The following TAFA5 variants were observed in gnomAD, a reference collection of about 807,000 sequenced individuals.
TAFA5 encodes chemokine-like protein TAFA-5.
A neutral mutation model predicts 15.3 loss-of-function variants in TAFA5; 6 were observed. The ratio of observed to expected loss-of-function variants is 0.39; its 90% CI spans 0.21 to 0.77. TAFA5 has a LOEUF of 0.77. TAFA5 is among the 30% of genes least tolerant of loss of function. The pLI is 0.41. For missense variants in TAFA5, 161 were observed against 193.1 expected (o/e 0.83, Z 0.98); for synonymous variants, 103 against 80.7 (o/e 1.28, Z -1.48).
chr22:48,701,313 G>C (rs933409066), intron 2 of TAFA5, among the ~76,000 whole-genome samples: 13 of 152,188 alleles, frequency 8.5e-5, no homozygotes, highest in African/African-American at 3.1e-4. Flanking sequence ...TGCAGGCGTG[G>C]TGAGAGGAAG....
chr22:48,687,495 C>T (rs985856292), intron 2 of TAFA5, among the ~76,000 whole-genome samples: 3 of 152,112 alleles, frequency 2.0e-5, no homozygotes, highest in African/African-American at 7.2e-5. Context: ...TAAATATTTC[C>T]TGAACCTAAC....
chr22:48,603,017 C>T (rs975628702), intron 1 of TAFA5, among the ~76,000 whole-genome samples: 3 of 152,216 alleles, frequency 2.0e-5, no homozygotes, highest in Admixed American at 6.5e-5. Flanking sequence ...GTGAGGTCCT[C>T]GGGGCCACCC....
chr22:48,701,636 T>C (rs575916907), intron 2 of TAFA5, among the ~76,000 whole-genome samples: 148 of 152,362 alleles, frequency 9.7e-4, no homozygotes, highest in Middle Eastern at 3.4e-3. Flanking sequence ...AGTTGGACTT[T>C]CGGCAAATTG....
intron 2 of TAFA5, among the ~76,000 whole-genome samples, chr22:48,653,003 C>G (rs1927109738): frequency 6.6e-6 from 1 of 152,248 alleles, no homozygotes; most frequent in Non-Finnish European, 1.5e-5. Context: ...GCTGTGGGTG[C>G]TGGTGTGGCC....
chr22:48,713,626 G>C (rs947122455), intron 3 of TAFA5, among the ~76,000 whole-genome samples: 6 of 152,214 alleles, frequency 3.9e-5, no homozygotes, highest in Admixed American at 2.6e-4. Flanking sequence ...GAGCTCTCCC[G>C]TTGGCATCTC....
intron 3 of TAFA5, among the ~76,000 whole-genome samples, chr22:48,729,762 A>G (rs1434338060): frequency 2.0e-5 from 3 of 147,754 alleles, no homozygotes; most frequent in Admixed American, 2.0e-4. Flanking sequence ...TATGAAATAT[A>G]TAAATTTAAA....
intron 1 of TAFA5, among the ~76,000 whole-genome samples, chr22:48,577,236 G>T (rs1488390206): frequency 1.3e-5 from 2 of 152,224 alleles, no homozygotes; most frequent in African/African-American, 4.8e-5. Flanking sequence ...GGCTGGAGAG[G>T]CCCTTTGTAC....
chr22:48,512,424 T>G (rs376982760), intron 1 of TAFA5, among the ~76,000 whole-genome samples: 55 of 150,462 alleles, frequency 3.7e-4, no homozygotes, highest in African/African-American at 1.3e-3. Context: ...CTGGCCAACA[T>G]GGTGAAACCC....
chr22:48,584,079 C>G (rs1005057980), intron 1 of TAFA5, among the ~76,000 whole-genome samples: 2 of 149,406 alleles, frequency 1.3e-5, no homozygotes, highest in Non-Finnish European at 3.0e-5. Flanking sequence ...ACACCACACA[C>G]CACTCACAAA....
chr22:48,599,705 G>C (rs1205346769), intron 1 of TAFA5, among the ~76,000 whole-genome samples: 3 of 152,268 alleles, frequency 2.0e-5, no homozygotes, highest in Non-Finnish European at 1.5e-5. Context: ...CAGCCACACA[G>C]AGACGTGTTG....
intron 1 of TAFA5, among the ~76,000 whole-genome samples, chr22:48,562,522 A>G (rs1326656329): frequency 6.6e-6 from 1 of 151,020 alleles, no homozygotes; most frequent in Admixed American, 6.6e-5. Flanking sequence ...TGTGACTCAG[A>G]GAGGCAGCCC....
At chr22:48,527,349 G>A (rs1394977589) in intron 1 of TAFA5, among the ~76,000 whole-genome samples, 1 of 152,250 alleles carries the variant, frequency 6.6e-6, no homozygotes, top group East Asian at 1.9e-4. Context: ...TGGTACTCCT[G>A]TGTTTCTGAA....
intron 1 of TAFA5, among the ~76,000 whole-genome samples, chr22:48,600,350 T>G (rs1601606314): frequency 6.6e-6 from 1 of 152,322 alleles, no homozygotes; most frequent in East Asian, 1.9e-4. Flanking sequence ...GGTGGCATCC[T>G]GCCTCCTACT....
chr22:48,568,696 C>T (rs1318841664), intron 1 of TAFA5, among the ~76,000 whole-genome samples: 1 of 152,216 alleles, frequency 6.6e-6, no homozygotes, highest in African/African-American at 2.4e-5. Flanking sequence ...AATGACTGGC[C>T]AGCGGTCTGG....
chr22:48,514,103 T>A (rs1921318798), intron 1 of TAFA5, among the ~76,000 whole-genome samples: 1 of 151,924 alleles, frequency 6.6e-6, no homozygotes. Flanking sequence ...TGGAAGGAGG[T>A]CAAGGCTAGT....
In TAFA5 at chr22:48,742,607, C is replaced by T. The variant is rs965887104; in HGVS notation, c.391-7232C>T. ...TGATGGACCAGGCGACATGGTGGACCGGGCCGCATGGTGGACCAGGCAACG... is the reference window on the plus strand; with the variant it reads ...TGATGGACCAGGCGACATGGTGGACTGGGCCGCATGGTGGACCAGGCAACG... On this transcript the variant is annotated intron_variant, in intron 3 of 3. Transcript: ENST00000402357. This position sits in a 1 kb window ranked among gnomAD's most constrained non-coding sequence, Gnocchi z 6.2. Among the ~76,000 whole-genome samples, 14 of 151,592 alleles carry T rather than the reference C, an allele frequency of 9.2e-5. No individual in the cohort carries two copies. Among genetic ancestry groups the T allele is most frequent in the East Asian group, 1.9e-4 (1 of 5,136 alleles).
intron 1 of TAFA5, among the ~76,000 whole-genome samples, chr22:48,526,943 T>C (rs889450421): frequency 6.6e-6 from 1 of 152,248 alleles, no homozygotes; most frequent in Non-Finnish European, 1.5e-5. Flanking sequence ...GGGGAGGATA[T>C]TGAGTTGTCC....
chr22:48,512,387 G>A (rs1421819496), intron 1 of TAFA5, among the ~76,000 whole-genome samples: 7 of 152,040 alleles, frequency 4.6e-5, no homozygotes, highest in African/African-American at 1.2e-4. Context: ...TGGGCAGATC[G>A]CTTGAGGTCA....
intron 2 of TAFA5, among the ~76,000 whole-genome samples, chr22:48,681,497 A>AAAC (rs1217556727): frequency 6.6e-6 from 1 of 150,376 alleles, no homozygotes; most frequent in Non-Finnish European, 1.5e-5. Context: ...ATACAAAAAA[A>AAAC]AAAAAAAATT....
Sources: gnomAD v4.1 joint callset for allele counts (sites outside exome capture counted in the v4.1 genomes callset) on GRCh38, gnomAD v4.1.1 for gene constraint, Gnocchi (gnomAD v3.1) non-coding constraint, MANE v1.5 for transcripts, NCBI Gene and HGNC (gene_info 2026-07-23, HGNC 2026-07-21) for gene names.